PCDHA12: variants seen among roughly 807,000 people sequenced by gnomAD.
PCDHA12 encodes protocadherin alpha 12, also known as protocadherin alpha-12.
Under a neutral mutation model 60.0 loss-of-function variants are expected in PCDHA12, and 44 were observed. That is an observed-to-expected ratio of 0.73 (90% CI 0.58 to 0.94). The LOEUF (loss-of-function observed/expected upper bound fraction) is 0.94. Ranked by LOEUF, PCDHA12 falls within the 40% of genes least tolerant of loss-of-function variation. The probability of loss-of-function intolerance (pLI) is 0.00; values close to 1 mark genes in which losing one functional copy is unlikely to be tolerated. For missense variants in PCDHA12, 1,276 were observed against 1,239.7 expected (o/e 1.03, Z -0.44); for synonymous variants, 569 against 553.0 (o/e 1.03, Z -0.40).
At chr5:140,952,993 C>G (rs1273513255) in intron 1 of PCDHA12, among the ~76,000 whole-genome samples, 1 of 152,106 alleles carries the variant, frequency 6.6e-6, no homozygotes, top group Non-Finnish European at 1.5e-5. Flanking sequence ...CTCATGAGAA[C>G]TCTCTCACTA....
chr5:140,922,527 C>T (rs1436336713), intron 1 of PCDHA12, among the ~76,000 whole-genome samples: 2 of 152,130 alleles, frequency 1.3e-5, no homozygotes, highest in East Asian at 3.9e-4. Flanking sequence ...AAGATTGAAC[C>T]TAAGGATGTG....
rs1554206991 is a variant in PCDHA12, at chr5:140,929,323, A to G, written c.2368-49626A>G. 4 of 1,540,320 alleles carry G rather than the reference A, an allele frequency of 2.6e-6. No homozygotes were observed. In the Admixed American group the frequency reaches 8.1e-5, roughly 31 times the overall value. On this transcript the variant is annotated intron_variant, in intron 1 of 3. Transcript: ENST00000398631. ...AGGGGATCACGCTAATGTCAATGCC[A>G]TGGTAAGCAAATTTTATGGAATTTG...
chr5:140,944,273 G>A (rs1208171689), intron 1 of PCDHA12, among the ~76,000 whole-genome samples: 2 of 152,098 alleles, frequency 1.3e-5, no homozygotes, highest in African/African-American at 4.8e-5. Flanking sequence ...CTGCAGCCTT[G>A]ACACCCCGGG....
chr5:140,880,848 T>C (rs557784006), intron 1 of PCDHA12, among the ~76,000 whole-genome samples: 31 of 152,258 alleles, frequency 2.0e-4, no homozygotes, highest in African/African-American at 7.0e-4. Flanking sequence ...TGGTTGACTA[T>C]GTAGTCTAAT....
Position 140,875,542 on chromosome 5 carries a change from T to A in PCDHA12, c.70T>A (p.Trp24Arg). ...LLLSLLLLAA[W>R]EVGSGQLHYS... is the part of the protein sequence containing the mutation. The stretch of plus-strand genomic sequence containing the variant: ...GCTCTCGCTTCTGCTCCTTGCAGCC[T>A]GGGAGGTGGGGAGCGGCCAGCTCCA... The change falls in exon 1 of 4, where the codon TGG (tryptophan) becomes AGG (arginine). Residue 24 changes from tryptophan (W) to arginine (R), a missense_variant. By Grantham distance (101) the Trp-to-Arg change is moderately radical (BLOSUM62 -3). Transcript: ENST00000398631. 6.2e-7 allele frequency: 1 copy of A among 1,614,134 alleles called. No homozygotes were observed. The highest frequency in any genetic ancestry group is 8.5e-7 in the Non-Finnish European group (1 of 1,180,014).
At chr5:140,923,495 C>T (rs1274980788) in intron 1 of PCDHA12, among the ~76,000 whole-genome samples, 2 of 152,060 alleles carry the variant, frequency 1.3e-5, no homozygotes, top group African/African-American at 4.8e-5. Context: ...CACCACTGCA[C>T]TCCAGCCTGG....
intron 1 of PCDHA12, among the ~76,000 whole-genome samples, chr5:140,936,113 G>A (rs1316824905): frequency 2.0e-5 from 3 of 151,964 alleles, no homozygotes; most frequent in South Asian, 2.1e-4. Context: ...GGCTGGTCTC[G>A]AACTCCTGAC....
At chr5:140,894,066 A>G (rs997633914) in intron 1 of PCDHA12, among the ~76,000 whole-genome samples, 1 of 152,204 alleles carries the variant, frequency 6.6e-6, no homozygotes, top group Admixed American at 6.5e-5. Context: ...ATTTTTAAAT[A>G]CATTTATTTT....
Position 140,876,204 on chromosome 5 carries a change from GC to G in PCDHA12, c.735del (p.Ser246AlafsTer4). 1 of 1,613,934 alleles carries G rather than the reference GC, an allele frequency of 6.2e-7. No homozygotes were observed. ...ATGACAATGGTCCGGCGTTTGATAA[GC>G]CCAGCTATAAAGTAGTGTTGTCTGA... ...VNDNGPAFDK[P>X]SYKVVLSENV... On this transcript the variant is annotated frameshift_variant, in exon 1 of 4. Transcript: ENST00000398631. LOFTEE classifies it high-confidence loss of function.
chr5:140,966,047 T>G (rs1463127286), intron 1 of PCDHA12, among the ~76,000 whole-genome samples: 1 of 152,214 alleles, frequency 6.6e-6, no homozygotes, highest in Admixed American at 6.5e-5. Flanking sequence ...CCATCGCCAG[T>G]AACCCCAGAG....
intron 1 of PCDHA12, chr5:140,883,519 C>A: frequency 6.2e-7 from 1 of 1,614,190 alleles, no homozygotes; most frequent in Non-Finnish European, 8.5e-7. Flanking sequence ...ACCGCGAGAG[C>A]GTATCAGCCT....
Position 140,876,326 on chromosome 5 carries a change from T to C in PCDHA12, c.854T>C (p.Leu285Ser). ...GEISYGIKMI[L>S]PVSEKCMFSI... is the part of the protein sequence containing the mutation. ...ATTTCCTATGGGATCAAAATGATTT[T>C]GCCAGTGAGTGAGAAATGTATGTTT... is the stretch of plus-strand genomic sequence containing the variant. Residue 285 changes from leucine to serine, a missense_variant, in exon 1 of 4, where the codon TTG becomes TCG. Coordinates refer to ENST00000398631, the MANE Select transcript of PCDHA12 (RefSeq NM_018903.4). The C allele has an allele frequency of 2.5e-6, 4 of 1,614,046 alleles. No individual in the cohort carries two copies. The highest frequency in any genetic ancestry group is 3.4e-6 in the Non-Finnish European group (4 of 1,179,900).
rs901766941 is a variant in PCDHA12 at position 140,982,266 on chromosome 5, G to A, written c.2427-209G>A. The A allele has an allele frequency of 6.1e-5, 54 of 879,038 alleles. No homozygotes were observed. In the African/African-American group the frequency reaches 7.6e-4, roughly 12 times the overall value. The allele number at this position is 879,038 out of a possible 1,614,324, so 54.5% of individuals were successfully genotyped here. ...TAAAGATAGAACATGTGTGTTCCTG[G>A]AATAGTATAGCAGGCAATAAGTAAG... On this transcript the variant is annotated intron_variant, in intron 2 of 3. Coordinates refer to ENST00000398631, the MANE Select transcript of PCDHA12 (RefSeq NM_018903.4).
Position 140,982,836 on chromosome 5 carries a change from T to C in PCDHA12, c.2515+273T>C, listed in dbSNP as rs2097010696. 2.6e-5 allele frequency among the ~76,000 whole-genome samples: 4 copies of C among 152,244 alleles called. No individual in the cohort carries two copies. The South Asian group carries it at 8.3e-4, about 32-fold the overall frequency. ...ATGAAGTTTTTGGGGTTTGTTTGTT[T>C]GTTTAAATCAGGTACCTTTCAAATG... On this transcript the variant is annotated intron_variant, in intron 3 of 3. Coordinates refer to ENST00000398631, the MANE Select transcript of PCDHA12 (RefSeq NM_018903.4).
chr5:140,890,879 A>C (rs1448155644), intron 1 of PCDHA12, among the ~76,000 whole-genome samples: 2 of 152,112 alleles, frequency 1.3e-5, no homozygotes, highest in Non-Finnish European at 2.9e-5. Flanking sequence ...CTGACCTTTC[A>C]TCAGGGATTA....
At chr5:140,965,490 C>G (rs115003344) in intron 1 of PCDHA12, among the ~76,000 whole-genome samples, 2,488 of 148,960 alleles carry the variant, frequency 0.017, 68 homozygotes, top group African/African-American at 0.057. Context: ...TGCTTAATGA[C>G]AGCAGATTTT....
At position 140,877,334 on chromosome 5, in the gene PCDHA12, C is replaced by A. The variant is rs375199455; in HGVS notation, c.1862C>A (p.Pro621Gln). The A allele has an allele frequency of 8.1e-6, 13 of 1,614,002 alleles. No homozygotes were observed. Among genetic ancestry groups the A allele is most frequent in the Non-Finnish European group, 1.0e-5 (12 of 1,179,872 alleles). Residue 621 changes from proline (P) to glutamine (Q), a missense_variant, in exon 1 of 4, where the codon CCG (proline) becomes CAG (glutamine). By Grantham distance (76) the Pro-to-Gln change is moderately conservative. Transcript: ENST00000398631. The part of the protein sequence containing the change: ...LQPAAVGAHI[P>Q]FHVGLYTGEI... The stretch of plus-strand genomic sequence containing the variant: ...CCGGCGGCGGTCGGCGCGCACATCC[C>A]GTTCCACGTGGGGCTGTACACTGGC...
intron 1 of PCDHA12, chr5:140,928,001 A>T (rs1252162846): frequency 6.2e-7 from 1 of 1,614,034 alleles, no homozygotes; most frequent in Non-Finnish European, 8.5e-7. Flanking sequence ...GAAGACCTCG[A>T]TTCTAATGGT....
intron 1 of PCDHA12, among the ~76,000 whole-genome samples, chr5:140,978,377 G>GT (rs1554239246): frequency 6.6e-6 from 1 of 152,212 alleles, no homozygotes; most frequent in Non-Finnish European, 1.5e-5. Context: ...GCAATAGTTT[G>GT]TTTTCCTCTC....
Sources: gnomAD v4.1 joint callset for allele counts (sites outside exome capture counted in the v4.1 genomes callset) on GRCh38, gnomAD v4.1.1 for gene constraint, MANE v1.5 for transcripts, NCBI Gene and HGNC (gene_info 2026-07-23, HGNC 2026-07-21) for gene names.